The following ADGRL4 variants were observed in gnomAD, a reference collection of about 807,000 sequenced individuals.
ADGRL4 encodes EGF, latrophilin and seven transmembrane domain containing 1.
ADGRL4 carries 90 observed loss-of-function variants against 74.8 expected under a neutral mutation model. The ratio of observed to expected loss-of-function variants is 1.20; its 90% CI spans 1.02 to 1.43. The LOEUF (loss-of-function observed/expected upper bound fraction) is 1.43. Among genes scored for constraint, ADGRL4 ranks in the 40% most tolerant of loss-of-function variants. ADGRL4 has a pLI of 0.00. For synonymous variants in ADGRL4, 311 were observed against 279.2 expected (o/e 1.11, Z -1.14); for missense variants, 881 against 814.3 (o/e 1.08, Z -1.00).
Position 78,889,896 on chromosome 1 carries a change from A to G in ADGRL4, c.*1258T>C, listed in dbSNP as rs150135322. The G allele has an allele frequency of 6.0e-4, 270 of 446,454 alleles. No homozygotes were observed. The highest frequency in any genetic ancestry group is 5.2e-3 in the African/African-American group (257 of 48,988). The allele number at this position is 446,454 out of a possible 1,614,324, so 27.7% of individuals were successfully genotyped here. A position where few individuals can be genotyped will look rare whatever the true frequency, so the allele number is the denominator to read the frequency against. ...ACAGGTCGGCAAAGAAAAATTACCT[A>G]TTTTTGAGATCAAAATCACTGCTTA... On this transcript the variant is annotated 3_prime_UTR_variant, in exon 15 of 15. Coordinates refer to ENST00000370742, the MANE Select transcript of ADGRL4 (RefSeq NM_022159.4).
intron 1 of ADGRL4, among the ~76,000 whole-genome samples, chr1:79,006,274 T>G (rs1571991): frequency 0.68 from 103,171 of 152,018 alleles, 35,886 homozygotes; most frequent in Middle Eastern, 0.78. Context: ...GCACAGTATG[T>G]TCAAAATGAA....
At chr1:78,924,954 G>A (rs543320201) in intron 8 of ADGRL4, among the ~76,000 whole-genome samples, 2 of 152,070 alleles carry the variant, frequency 1.3e-5, no homozygotes, top group East Asian at 1.9e-4. Context: ...AAGATAAAAG[G>A]AGTTATTAAT....
chr1:78,904,787 A>T (rs1018533798), intron 12 of ADGRL4, among the ~76,000 whole-genome samples: 21 of 152,074 alleles, frequency 1.4e-4, no homozygotes, highest in African/African-American at 5.1e-4. Context: ...AAATGTGGAT[A>T]GTATTAGTAC....
chr1:78,970,592 T>C (rs1309221241), intron 2 of ADGRL4, among the ~76,000 whole-genome samples: 1 of 152,168 alleles, frequency 6.6e-6, no homozygotes, highest in African/African-American at 2.4e-5. Context: ...CCTCTCTCCC[T>C]CATGTACCCC....
rs748304785 is a variant in ADGRL4, at chr1:78,920,226, G to C, written c.1418C>G (p.Ala473Gly). Residue 473 changes from alanine to glycine, a missense_variant, in exon 10 of 15, where the codon GCT becomes GGT. Coordinates refer to ENST00000370742, the MANE Select transcript of ADGRL4 (RefSeq NM_022159.4). ...HKNLCCSLFL[A>G]ELVFLVGINT... ...GATCCCAACAAGAAAAACAAGTTCA[G>C]CAAGAAATAGGCTACAGCAAAGATT... 1 of 1,611,758 alleles carries C rather than the reference G, an allele frequency of 6.2e-7. No homozygotes were observed. Among genetic ancestry groups the C allele is most frequent in the South Asian group, 1.1e-5 (1 of 91,022 alleles).
chr1:79,005,247 T>A (rs1256128137), intron 1 of ADGRL4, 28 bp from the exon 2 acceptor site: 6 of 1,543,442 alleles, frequency 3.9e-6, no homozygotes, highest in Non-Finnish European at 5.3e-6. Context: ...ATACACCTTT[T>A]CAAAAAGTAA....
intron 2 of ADGRL4, among the ~76,000 whole-genome samples, chr1:78,957,386 A>G (rs920725758): frequency 1.3e-5 from 2 of 152,218 alleles, no homozygotes; most frequent in African/African-American, 2.4e-5. Context: ...CAAACAGCCA[A>G]GTTGTGAATG....
At chr1:78,968,571 C>G (rs1057427964) in intron 2 of ADGRL4, among the ~76,000 whole-genome samples, 1 of 151,842 alleles carries the variant, frequency 6.6e-6, no homozygotes, top group African/African-American at 2.4e-5. Flanking sequence ...TTACTCAAGA[C>G]CTTTGTCATT....
intron 12 of ADGRL4, among the ~76,000 whole-genome samples, chr1:78,898,330 T>C (rs1463230051): frequency 1.3e-5 from 2 of 152,078 alleles, no homozygotes; most frequent in Non-Finnish European, 2.9e-5. Context: ...TTGGTATTCA[T>C]CTGAATTAAG....
chr1:78,898,198 T>C (rs1648438255), intron 12 of ADGRL4, among the ~76,000 whole-genome samples: 2 of 152,164 alleles, frequency 1.3e-5, no homozygotes, highest in African/African-American at 4.8e-5. Context: ...GGAGGAAAGA[T>C]GATAAAAGTC....
At chr1:78,988,232 T>G (rs1044468711) in intron 2 of ADGRL4, among the ~76,000 whole-genome samples, 1 of 151,734 alleles carries the variant, frequency 6.6e-6, no homozygotes, top group African/African-American at 2.4e-5. Context: ...TTTTGACAAT[T>G]AATTTGAAAT....
chr1:78,942,472 T>G (rs1460474847), intron 3 of ADGRL4, among the ~76,000 whole-genome samples: 2 of 152,232 alleles, frequency 1.3e-5, no homozygotes, highest in African/African-American at 4.8e-5. Context: ...CCTATCTTAA[T>G]GAAAGCTAAA....
chr1:78,924,493 AGGGAAGGCATGCCT>A (rs1055675254), intron 8 of ADGRL4, among the ~76,000 whole-genome samples: 50 of 152,082 alleles, frequency 3.3e-4, no homozygotes, highest in Middle Eastern at 3.4e-3. Context: ...TGATGGGGGA[AGGGAAGGCATGCCT>A]GGGCTGATAA....
intron 1 of ADGRL4, 126 bp downstream of exon 1, chr1:79,006,507 T>C: frequency 2.8e-6 from 3 of 1,083,232 alleles, no homozygotes; most frequent in Non-Finnish European, 4.0e-6. Context: ...AAGTACTAAA[T>C]CAATTCTCCT....
At position 78,918,175 on chromosome 1, in the gene ADGRL4, AATG is replaced by A. The variant is rs1648919810; in HGVS notation, c.1462-128_1462-126del. On this transcript the variant is annotated intron_variant, in intron 10 of 14. Transcript: ENST00000370742. The stretch of plus-strand genomic sequence containing the variant: ...TACTATAAAGTATGCCACTTTATAT[AATG>A]ATTAGTCATATTAAAATACCATGTC... 3 of 688,874 alleles carry A rather than the reference AATG, an allele frequency of 4.4e-6. No individual in the cohort carries two copies. In the Admixed American group the frequency reaches 8.9e-5, roughly 20 times the overall value. The allele number at this position is 688,874 out of a possible 1,614,324, so 42.7% of individuals were successfully genotyped here.
At chr1:78,963,575 C>T (rs147148964) in intron 2 of ADGRL4, among the ~76,000 whole-genome samples, 2,184 of 151,916 alleles carry the variant, frequency 0.014, 52 homozygotes, top group African/African-American at 0.05. Flanking sequence ...TGTTTTATAC[C>T]CTCCAGATCA....
intron 7 of ADGRL4, among the ~76,000 whole-genome samples, chr1:78,929,019 A>G (rs1353217754): frequency 6.6e-6 from 1 of 151,616 alleles, no homozygotes. Context: ...CCACTTCTCA[A>G]TAGAGCTTCA....
intron 12 of ADGRL4, among the ~76,000 whole-genome samples, chr1:78,906,245 T>C (rs1648632235): frequency 1.3e-5 from 2 of 152,036 alleles, no homozygotes; most frequent in South Asian, 4.1e-4. Flanking sequence ...AATTGCTCTA[T>C]TTAATTATGG....
intron 12 of ADGRL4, among the ~76,000 whole-genome samples, chr1:78,907,627 G>A (rs1438420928): frequency 6.6e-6 from 1 of 151,926 alleles, no homozygotes; most frequent in African/African-American, 2.4e-5. Flanking sequence ...GAATCAAGCG[G>A]GACTTTCCTT....
Sources: allele counts gnomAD v4.1 joint callset (sites outside exome capture counted in the v4.1 genomes callset), GRCh38; gene constraint gnomAD v4.1.1; transcripts MANE v1.5; gene names NCBI Gene and HGNC (gene_info 2026-07-23, HGNC 2026-07-21).